The following IFT74 variants were observed in gnomAD, a reference collection of about 807,000 sequenced individuals.
IFT74 encodes the protein intraflagellar transport protein 74 homolog.
In IFT74, 92 loss-of-function variants were observed where a neutral mutation model predicts 96.7. The ratio of observed to expected loss-of-function variants is 0.95; its 90% confidence interval spans 0.80 to 1.13. IFT74 has a LOEUF of 1.13. IFT74 is among the 50% of genes most tolerant of loss of function. The probability of loss-of-function intolerance (pLI) is 0.00; values close to 1 mark genes in which losing one functional copy is unlikely to be tolerated. For synonymous variants in IFT74, 223 were observed against 213.2 expected, an observed-to-expected ratio of 1.05 and a Z score of -0.40; for missense variants, 811 against 698.2, an observed-to-expected ratio of 1.16 and a Z score of -1.82.
chr9:27,057,720 T>C (rs528764605), intron 18 of IFT74, among the ~76,000 whole-genome samples: 1 of 151,732 alleles, frequency 6.6e-6, no homozygotes, highest in East Asian at 1.9e-4. Flanking sequence ...TAGCCAGGAG[T>C]GGTGGCGGGT....
chr9:27,002,445 T>TGGCAAGAGA (rs1484406965), intron 8 of IFT74, among the ~76,000 whole-genome samples: 2 of 152,242 alleles, frequency 1.3e-5, no homozygotes, highest in Admixed American at 1.3e-4. Context: ...ATTAAAGTCT[T>TGGCAAGAGA]TAATCCATTT....
intron 16 of IFT74, among the ~76,000 whole-genome samples, chr9:27,050,467 G>C (rs1158592720): frequency 1.3e-5 from 2 of 152,166 alleles, no homozygotes; most frequent in African/African-American, 4.8e-5. Flanking sequence ...AGGTTAAAGA[G>C]ACTAGGATAA....
chr9:27,029,151 G>C (rs781037672), intron 13 of IFT74, 47 bp downstream of exon 13: 1 of 1,436,146 alleles, frequency 7.0e-7, no homozygotes, highest in Non-Finnish European at 9.6e-7. Flanking sequence ...ATGTTTAGCA[G>C]TATTAATATA....
intron 2 of IFT74, among the ~76,000 whole-genome samples, chr9:26,970,985 T>G (rs1174036682): frequency 2.0e-5 from 3 of 152,348 alleles, no homozygotes; most frequent in Middle Eastern, 3.4e-3. Flanking sequence ...GTATTCCCAT[T>G]TTATGTCTAG....
At chr9:27,001,275 A>C (rs1828470589) in intron 8 of IFT74, among the ~76,000 whole-genome samples, 1 of 152,126 alleles carries the variant, frequency 6.6e-6, no homozygotes, top group Non-Finnish European at 1.5e-5. Flanking sequence ...ATGGGAGTGC[A>C]GCTATCTCTT....
intron 2 of IFT74, among the ~76,000 whole-genome samples, chr9:26,973,172 A>C (rs950712486): frequency 6.6e-6 from 1 of 152,178 alleles, no homozygotes; most frequent in African/African-American, 2.4e-5. Context: ...ACTGTGAACC[A>C]CTGATGATCA....
intron 1 of IFT74, among the ~76,000 whole-genome samples, chr9:26,956,968 C>T (rs768610714): frequency 6.6e-6 from 1 of 152,208 alleles, no homozygotes; most frequent in Non-Finnish European, 1.5e-5. Flanking sequence ...TACTTATCGT[C>T]TTCACAACAG....
intron 17 of IFT74, among the ~76,000 whole-genome samples, chr9:27,056,073 G>A (rs1254853997): frequency 2.0e-5 from 3 of 152,014 alleles, no homozygotes; most frequent in African/African-American, 4.8e-5. Context: ...ACTTGTCAGT[G>A]GCTTTCCATT....
chr9:26,991,407 A>T (rs1827860931), intron 8 of IFT74, among the ~76,000 whole-genome samples: 2 of 151,880 alleles, frequency 1.3e-5, no homozygotes, highest in Admixed American at 1.3e-4. Context: ...TCTTGGGGAG[A>T]CAGGGTCTTA....
At chr9:26,954,744 CAGAA>C (rs1387571395), upstream of IFT74, among the ~76,000 whole-genome samples, 5 of 151,660 alleles carry the variant, frequency 3.3e-5, no homozygotes, top group African/African-American at 1.2e-4. Flanking sequence ...GGACTAGAGA[CAGAA>C]AGGAACTTGA....
intron 18 of IFT74, among the ~76,000 whole-genome samples, chr9:27,057,075 A>G (rs1820199784): frequency 6.6e-6 from 1 of 152,120 alleles, no homozygotes; most frequent in South Asian, 2.1e-4. Flanking sequence ...AAAAATATTA[A>G]TAGCTTAATG....
intron 2 of IFT74, among the ~76,000 whole-genome samples, chr9:26,966,010 A>G (rs896709768): frequency 1.5e-4 from 23 of 151,910 alleles, no homozygotes; most frequent in Non-Finnish European, 2.1e-4. Context: ...ATATATATAT[A>G]TGTGTATATG....
chr9:26,959,225 C>A (rs1826249009), intron 1 of IFT74, among the ~76,000 whole-genome samples: 1 of 152,158 alleles, frequency 6.6e-6, no homozygotes, highest in Non-Finnish European at 1.5e-5. Context: ...TCTCCTGCCT[C>A]AGCCTCCCGA....
intron 8 of IFT74, among the ~76,000 whole-genome samples, chr9:27,008,545 G>T (rs558412211): frequency 6.6e-6 from 1 of 152,038 alleles, no homozygotes; most frequent in Non-Finnish European, 1.5e-5. Flanking sequence ...TTTTAGTAGA[G>T]ATGGGTGTTT....
At position 26,992,131 on chromosome 9, in the gene IFT74, C is replaced by T. The variant is rs547320224; in HGVS notation, c.587+1936C>T. 6.6e-5 allele frequency among the ~76,000 whole-genome samples: 10 copies of T among 152,148 alleles called. No individual in the cohort carries two copies. In the South Asian group the frequency reaches 1.5e-3, roughly 22 times the overall value. ...TTCTCATTTATTTCATCATTTATCT[C>T]AAAGTTATATAATACCTAGGTCAGG... On this transcript the variant is annotated intron_variant, in intron 8 of 19. Coordinates refer to ENST00000380062, the MANE Select transcript of IFT74 (RefSeq NM_025103.4).
At chr9:27,043,045 C>T (rs1819545327) in intron 13 of IFT74, among the ~76,000 whole-genome samples, 1 of 152,136 alleles carries the variant, frequency 6.6e-6, no homozygotes, top group Non-Finnish European at 1.5e-5. Context: ...CAGGGGGCGT[C>T]AGTGTATTTT....
chr9:27,002,172 C>G (rs1049769608), intron 8 of IFT74, among the ~76,000 whole-genome samples: 4 of 152,112 alleles, frequency 2.6e-5, no homozygotes, highest in Non-Finnish European at 1.5e-5. Flanking sequence ...GGCTCTGTTG[C>G]CCAGGCTGGA....
At chr9:27,039,606 A>G (rs533968378) in intron 13 of IFT74, among the ~76,000 whole-genome samples, 1 of 152,360 alleles carries the variant, frequency 6.6e-6, no homozygotes, top group African/African-American at 2.4e-5. Flanking sequence ...CAGTGGTTGC[A>G]TCTGTACTGA....
intron 17 of IFT74, 150 bp from the exon 18 acceptor site, chr9:27,056,184 C>T: frequency 1.7e-6 from 1 of 594,932 alleles, no homozygotes; most frequent in Non-Finnish European, 2.8e-6. Context: ...GCTTATAGTT[C>T]AAAGGATATT....
Sources: gnomAD v4.1 joint callset for allele counts (sites outside exome capture counted in the v4.1 genomes callset) on GRCh38, gnomAD v4.1.1 for gene constraint, MANE v1.5 for transcripts, NCBI Gene and HGNC (gene_info 2026-07-23, HGNC 2026-07-21) for gene names.